Variants in FGGY observed in about 807,000 individuals in gnomAD.
FGGY encodes the protein FGGY carbohydrate kinase domain containing.
FGGY carries 72 observed loss-of-function variants against 71.3 expected under a neutral mutation model. The observed-to-expected ratio is 1.01, with a 90% CI of 0.84 to 1.23. The LOEUF (loss-of-function observed/expected upper bound fraction) is 1.23, where lower values mean the gene tolerates loss of function less well. FGGY is among the 50% of genes most tolerant of loss of function. The probability of loss-of-function intolerance (pLI) is 0.00; values close to 1 mark genes in which losing one functional copy is unlikely to be tolerated. For missense variants in FGGY, 668 were observed against 682.3 expected, an observed-to-expected ratio of 0.98 and a Z score of 0.23; for synonymous variants, 251 against 250.3, an observed-to-expected ratio of 1.00 and a Z score of -0.02.
intron 4 of FGGY, among the ~76,000 whole-genome samples, chr1:59,352,018 C>T (rs2053406714): frequency 6.6e-6 from 1 of 152,108 alleles, no homozygotes; most frequent in South Asian, 2.1e-4. Flanking sequence ...TTATGTGTTT[C>T]AGGTTGACAT....
At chr1:59,587,991 A>AT (rs1375640034) in intron 8 of FGGY, among the ~76,000 whole-genome samples, 1 of 152,218 alleles carries the variant, frequency 6.6e-6, no homozygotes, top group Admixed American at 6.5e-5. Flanking sequence ...CCATCAAACT[A>AT]TTCCAAGCTA....
intron 1 of FGGY, among the ~76,000 whole-genome samples, chr1:59,311,604 G>A (rs1402333465): frequency 2.0e-5 from 3 of 152,086 alleles, no homozygotes; most frequent in African/African-American, 7.2e-5. Context: ...AGTATTCTAT[G>A]GTATATATGT....
intron 6 of FGGY, among the ~76,000 whole-genome samples, chr1:59,505,323 G>T (rs572651452): frequency 6.6e-6 from 1 of 152,166 alleles, no homozygotes; most frequent in African/African-American, 2.4e-5. Flanking sequence ...TGCTTGGCTC[G>T]TATCAGGTAC....
At chr1:59,378,082 A>G (rs1224395056) in intron 4 of FGGY, among the ~76,000 whole-genome samples, 1 of 152,122 alleles carries the variant, frequency 6.6e-6, no homozygotes, top group Non-Finnish European at 1.5e-5. Context: ...TCCAGCTTAT[A>G]TCTGCTCTGA....
At chr1:59,552,141 C>T (rs373713601) in intron 7 of FGGY, among the ~76,000 whole-genome samples, 2 of 152,168 alleles carry the variant, frequency 1.3e-5, no homozygotes, top group Admixed American at 1.3e-4. Flanking sequence ...GCAGGGGACA[C>T]CAGCCGATGC....
At chr1:59,327,620 G>A (rs6673053) in intron 2 of FGGY, among the ~76,000 whole-genome samples, 4,487 of 152,230 alleles carry the variant, frequency 0.029, 188 homozygotes, top group African/African-American at 0.1. Flanking sequence ...GTTCTTAATG[G>A]CATCTAGAGT....
intron 10 of FGGY, among the ~76,000 whole-genome samples, chr1:59,630,240 T>C (rs1015671673): frequency 6.6e-6 from 1 of 152,086 alleles, no homozygotes; most frequent in Admixed American, 6.6e-5. Context: ...ACATGAGGAT[T>C]ATGGGAACTA....
At chr1:59,337,230 GT>G (rs967884258) in intron 2 of FGGY, among the ~76,000 whole-genome samples, 1 of 152,042 alleles carries the variant, frequency 6.6e-6, no homozygotes. Context: ...AAGTCTGAGG[GT>G]GAAGGCCTGA....
intron 8 of FGGY, among the ~76,000 whole-genome samples, chr1:59,589,419 A>G (rs1023067664): frequency 6.6e-5 from 10 of 151,984 alleles, no homozygotes; most frequent in African/African-American, 1.7e-4. Context: ...ATTGAACTCA[A>G]CTCTGCACCA....
At chr1:59,625,449 G>A (rs914208127) in intron 9 of FGGY, among the ~76,000 whole-genome samples, 2 of 151,896 alleles carry the variant, frequency 1.3e-5, no homozygotes, top group African/African-American at 4.8e-5. Context: ...ACAGGTCTGG[G>A]GCATCTCAAT....
At chr1:59,571,271 G>C (rs1206134165) in intron 8 of FGGY, among the ~76,000 whole-genome samples, 1 of 152,194 alleles carries the variant, frequency 6.6e-6, no homozygotes, top group Non-Finnish European at 1.5e-5. Flanking sequence ...GCAGATCTGT[G>C]TTCATGTCCA....
Position 59,649,722 on chromosome 1 carries a change from C to G in FGGY, c.1222-10497C>G, listed in dbSNP as rs2097137203. Among the ~76,000 whole-genome samples the G allele has an allele frequency of 2.2e-5, 3 of 137,052 alleles. No individual in the cohort carries two copies. The South Asian group carries it at 7.0e-4, about 32-fold the overall frequency. 89.9% of individuals were successfully genotyped at this position (137,052 alleles called of 152,430 possible). On this transcript the variant is annotated intron_variant, in intron 11 of 15. Transcript: ENST00000303721. ...CAGGGACAATTTGACTTCCTCTTTT[C>G]CTAATTGGATACCCTTTATTTCCTT... is the stretch of plus-strand genomic sequence containing the variant.
At chr1:59,753,883 T>C (rs1039159487) in intron 14 of FGGY, among the ~76,000 whole-genome samples, 1 of 152,192 alleles carries the variant, frequency 6.6e-6, no homozygotes, top group African/African-American at 2.4e-5. Flanking sequence ...CCATTACTTT[T>C]TTAGATAAAT....
At chr1:59,615,136 T>C (rs1013034430) in intron 9 of FGGY, among the ~76,000 whole-genome samples, 5 of 152,134 alleles carry the variant, frequency 3.3e-5, no homozygotes, top group Non-Finnish European at 7.4e-5. Flanking sequence ...CTTCACAGAA[T>C]TGGAAAAAAC....
chr1:59,658,166 A>G (rs1024821741), intron 11 of FGGY, among the ~76,000 whole-genome samples: 2 of 152,218 alleles, frequency 1.3e-5, no homozygotes, highest in Admixed American at 6.5e-5. Context: ...AGCAAAGACC[A>G]TCAGAACACC....
chr1:59,636,343 C>T (rs1044702263), intron 10 of FGGY, among the ~76,000 whole-genome samples: 147 of 152,152 alleles, frequency 9.7e-4, no homozygotes, highest in Non-Finnish European at 5.3e-4. Context: ...TTCTACTGGA[C>T]GGGTGTGGTG....
At chr1:59,659,294 A>T (rs2097252923) in intron 11 of FGGY, among the ~76,000 whole-genome samples, 1 of 152,114 alleles carries the variant, frequency 6.6e-6, no homozygotes, top group Non-Finnish European at 1.5e-5. Flanking sequence ...TCAGGGTGAA[A>T]TCTGGAGAGA....
chr1:59,324,680 A>T (rs1040211451), intron 2 of FGGY, among the ~76,000 whole-genome samples: 1 of 152,176 alleles, frequency 6.6e-6, no homozygotes, highest in Non-Finnish European at 1.5e-5. Context: ...CTCCTGAATA[A>T]GAAGAAGGGG....
intron 14 of FGGY, chr1:59,697,520 A>G: frequency 2.2e-6 from 1 of 455,624 alleles, no homozygotes; most frequent in South Asian, 1.7e-5. Flanking sequence ...TGTAGCACGT[A>G]TCAGAATTTC....
Sources: gnomAD v4.1 joint callset for allele counts (sites outside exome capture counted in the v4.1 genomes callset) on GRCh38, gnomAD v4.1.1 for gene constraint, MANE v1.5 for transcripts, NCBI Gene and HGNC (gene_info 2026-07-23, HGNC 2026-07-21) for gene names.